Variants in SYK observed in about 807,000 individuals in gnomAD.
SYK encodes spleen associated tyrosine kinase, also known as tyrosine-protein kinase SYK.
In SYK, 16 loss-of-function variants were observed where a neutral mutation model predicts 77.8. The observed-to-expected ratio is 0.21, with a 90% CI of 0.14 to 0.31. SYK has a LOEUF of 0.31. SYK is among the 10% of genes least tolerant of loss of function. SYK has a pLI of 1.00. For synonymous variants in SYK, 312 were observed against 308.7 expected (o/e 1.01, Z -0.11); for missense variants, 529 against 814.4 (o/e 0.65, Z 4.26).
chr9:90,850,050 T>C (rs1826757287), intron 3 of SYK, among the ~76,000 whole-genome samples: 1 of 152,246 alleles, frequency 6.6e-6, no homozygotes, highest in South Asian at 2.1e-4. Flanking sequence ...TGAGTCATTC[T>C]TCTGCAGGTG....
chr9:90,814,305 C>T (rs1008813705), intron 1 of SYK, among the ~76,000 whole-genome samples: 10 of 152,172 alleles, frequency 6.6e-5, no homozygotes, highest in Non-Finnish European at 1.3e-4. Flanking sequence ...TCTCTGTCAT[C>T]CCTGCTAAGG....
rs1827538210 is a variant in SYK at position 90,867,276 on chromosome 9, G to T, written c.915+77G>T. 14 of 1,438,734 alleles carry T rather than the reference G, an allele frequency of 9.7e-6. No homozygotes were observed. In the South Asian group the frequency reaches 1.6e-4, roughly 17 times the overall value. 89.1% of individuals were successfully genotyped at this position (1,438,734 alleles called of 1,614,324 possible). A position where few individuals can be genotyped will look rare whatever the true frequency, so the allele number is the denominator to read the frequency against. On this transcript the variant is annotated intron_variant, in intron 7 of 13. Coordinates refer to ENST00000375754, the MANE Select transcript of SYK (RefSeq NM_003177.7). ...CACTCAGCTCCCGCCCGCCCAGTCTGCCCTGTGTGTGCGCTGCCCCCCATC... is the reference window on the plus strand; with the variant it reads ...CACTCAGCTCCCGCCCGCCCAGTCTTCCCTGTGTGTGCGCTGCCCCCCATC...
At chr9:90,854,674 C>T (rs1056259781) in intron 3 of SYK, among the ~76,000 whole-genome samples, 8 of 152,022 alleles carry the variant, frequency 5.3e-5, no homozygotes, top group African/African-American at 1.4e-4. Context: ...GAGCAGGGAC[C>T]GACGGTGAGT....
chr9:90,861,810 G>A (rs1478795543), intron 3 of SYK, among the ~76,000 whole-genome samples: 1 of 152,212 alleles, frequency 6.6e-6, no homozygotes, highest in Admixed American at 6.5e-5. Flanking sequence ...GAAGAAAGGT[G>A]AGTCCACAGT....
intron 1 of SYK, among the ~76,000 whole-genome samples, chr9:90,832,491 G>A (rs974049331): frequency 1.3e-5 from 2 of 152,176 alleles, no homozygotes; most frequent in African/African-American, 4.8e-5. Context: ...ACAGGTAAAC[G>A]TGGACATGAA....
chr9:90,820,724 C>A (rs1341150015), intron 1 of SYK, among the ~76,000 whole-genome samples: 1 of 152,322 alleles, frequency 6.6e-6, no homozygotes, highest in South Asian at 2.1e-4. Flanking sequence ...AGACATCTTC[C>A]CCATGGTCTT....
At chr9:90,841,586 G>C (rs1380069352) in intron 1 of SYK, among the ~76,000 whole-genome samples, 1 of 149,620 alleles carries the variant, frequency 6.7e-6, no homozygotes, top group Non-Finnish European at 1.5e-5. Flanking sequence ...TAGTGTGCAT[G>C]TAGTTGTGTG....
intron 1 of SYK, among the ~76,000 whole-genome samples, chr9:90,841,815 A>G (rs201077137): frequency 2.2e-5 from 3 of 136,028 alleles, no homozygotes; most frequent in Non-Finnish European, 3.2e-5. Flanking sequence ...AGTGTGTTGT[A>G]TGTGGTGTGT....
chr9:90,871,288 C>G (rs1827716872), intron 7 of SYK, among the ~76,000 whole-genome samples: 1 of 152,172 alleles, frequency 6.6e-6, no homozygotes, highest in African/African-American at 2.4e-5. Context: ...GTGGAATGGT[C>G]AACATTTCAT....
chr9:90,889,724 T>C (rs1828719528), intron 13 of SYK, among the ~76,000 whole-genome samples: 1 of 152,258 alleles, frequency 6.6e-6, no homozygotes, highest in South Asian at 2.1e-4. Flanking sequence ...CCGGAGCATC[T>C]TCTCCAACCC....
rs146743944 is a variant in SYK at position 90,843,911 on chromosome 9, G to C, written c.13G>C (p.Gly5Arg). 6.5e-7 allele frequency: 1 copy of C among 1,540,064 alleles called. No homozygotes were observed. The highest frequency in any genetic ancestry group is 8.8e-7 in the Non-Finnish European group (1 of 1,141,838). Reference sequence around the variant, plus strand: ...CGGCCCCTGAAGCATGGCCAGCAGCGGCATGGCTGACAGCGCCAACCACCT... The same window carrying C: ...CGGCCCCTGAAGCATGGCCAGCAGCCGCATGGCTGACAGCGCCAACCACCT... Reference protein sequence around the residue: MASSGMADSANHLPF... With the variant: MASSRMADSANHLPF... The change falls in exon 2 of 14, where the codon GGC (glycine) becomes CGC (arginine). Residue 5 changes from glycine to arginine, a missense_variant. Around this residue, in one of 2 missense-constraint regions of SYK, gnomAD observed 321 missense variants for 433.1 expected, o/e 0.74. Transcript: ENST00000375754.
At chr9:90,883,662 T>C (rs117233679) in intron 11 of SYK, among the ~76,000 whole-genome samples, 4 of 152,218 alleles carry the variant, frequency 2.6e-5, no homozygotes, top group African/African-American at 4.8e-5. Context: ...TCCATTGGCC[T>C]AGTCACATGC....
At chr9:90,885,270 TAGAG>T (rs1292361748) in intron 11 of SYK, among the ~76,000 whole-genome samples, 3 of 151,892 alleles carry the variant, frequency 2.0e-5, no homozygotes, top group Non-Finnish European at 4.4e-5. Flanking sequence ...TGAAAAACAA[TAGAG>T]AGAATTCAGA....
At chr9:90,817,431 A>T (rs1353446918) in intron 1 of SYK, among the ~76,000 whole-genome samples, 1 of 152,098 alleles carries the variant, frequency 6.6e-6, no homozygotes, top group African/African-American at 2.4e-5. Flanking sequence ...AGCTCCACAG[A>T]TCCTGTCCCC....
rs541835714 is a variant in SYK, at chr9:90,855,049, G to A, written c.579-7157G>A. Among the ~76,000 whole-genome samples the A allele has an allele frequency of 2.1e-3, 228 of 106,116 alleles. 1 individual carries two copies. Among genetic ancestry groups the A allele is most frequent in the Non-Finnish European group, 3.9e-3 (190 of 48,860 alleles). The allele number at this position is 106,116 out of a possible 152,430, so 69.6% of individuals were successfully genotyped here. On this transcript the variant is annotated intron_variant, in intron 3 of 13. Coordinates refer to ENST00000375754, the MANE Select transcript of SYK (RefSeq NM_003177.7). ...ACACACACACACACACTTGAGAACCGCGGCTGCATATCATCTCCTGTGGAC... is the reference window on the plus strand; with the variant it reads ...ACACACACACACACACTTGAGAACCACGGCTGCATATCATCTCCTGTGGAC...
Position 90,865,063 on chromosome 9 carries a change from G to A in SYK, c.812G>A (p.Gly271Glu). The A allele has an allele frequency of 6.2e-7, 1 of 1,614,148 alleles. No homozygotes were observed. Among genetic ancestry groups the A allele is most frequent in the South Asian group, 1.1e-5 (1 of 91,082 alleles). Residue 271 changes from glycine (G) to glutamate (E), a missense_variant, in exon 6 of 14, where the codon GGA becomes GAA. Physicochemically the swap from Gly to Glu is moderately conservative, Grantham distance 98 (BLOSUM62 -2). Coordinates refer to ENST00000375754, the MANE Select transcript of SYK (RefSeq NM_003177.7). ...CTCTAACCAGGAAATGTTAATTTTGGAGGCCGTCCACAACTTCCAGGTTCC... is the reference window on the plus strand; with the variant it reads ...CTCTAACCAGGAAATGTTAATTTTGAAGGCCGTCCACAACTTCCAGGTTCC... ...KIGTQGNVNF[G>E]GRPQLPGSHP...
chr9:90,849,005 G>C (rs1564092658), intron 3 of SYK, among the ~76,000 whole-genome samples: 4 of 152,228 alleles, frequency 2.6e-5, no homozygotes, highest in South Asian at 2.1e-4. Context: ...TGCCTGGGGA[G>C]CAGGGCACCC....
At chr9:90,841,858 A>G (rs1418769903) in intron 1 of SYK, among the ~76,000 whole-genome samples, 4 of 79,062 alleles carry the variant, frequency 5.1e-5, no homozygotes, top group Non-Finnish European at 1.1e-4. Context: ...GCAGTGTGTT[A>G]TGTGTGTTGT....
chr9:90,847,032 C>T (rs1263128265), intron 3 of SYK, among the ~76,000 whole-genome samples: 1 of 152,230 alleles, frequency 6.6e-6, no homozygotes, highest in Admixed American at 6.5e-5. Context: ...GGCCACGAAG[C>T]TGTTTCTTTT....
Sources: gnomAD v4.1 joint callset for allele counts (sites outside exome capture counted in the v4.1 genomes callset) on GRCh38, gnomAD v4.1.1 for gene constraint, gnomAD v4.1.1 regional missense constraint, MANE v1.5 for transcripts, NCBI Gene and HGNC (gene_info 2026-07-23, HGNC 2026-07-21) for gene names.